The following CNTNAP2 variants were observed in gnomAD, a reference collection of about 807,000 sequenced individuals.
CNTNAP2 encodes contactin associated protein 2.
In CNTNAP2, 98 loss-of-function variants were observed where a neutral mutation model predicts 155.2. The observed-to-expected ratio is 0.63, with a 90% CI of 0.54 to 0.75. The LOEUF (loss-of-function observed/expected upper bound fraction) is 0.75, where lower values mean the gene tolerates loss of function less well. CNTNAP2 is among the 30% of genes least tolerant of loss of function. The pLI is 0.00. For missense variants in CNTNAP2, 1,727 were observed against 1,688.1 expected (o/e 1.02, Z -0.40); for synonymous variants, 651 against 631.2 (o/e 1.03, Z -0.47).
At chr7:146,720,963 C>A (rs144102854) in intron 1 of CNTNAP2, among the ~76,000 whole-genome samples, 1 of 124,254 alleles carries the variant, frequency 8.0e-6, no homozygotes, top group African/African-American at 3.6e-5. Flanking sequence ...TATATATATA[C>A]AGTATATATA....
chr7:147,782,006 G>C (rs1487145343), intron 13 of CNTNAP2, among the ~76,000 whole-genome samples: 1 of 145,424 alleles, frequency 6.9e-6, no homozygotes, highest in Non-Finnish European at 1.5e-5. Flanking sequence ...CTGGGCGACA[G>C]AGCAAGATTC....
At chr7:147,784,531 A>AT in intron 13 of CNTNAP2, among the ~76,000 whole-genome samples, 3 of 72,554 alleles carry the variant, frequency 4.1e-5, no homozygotes, top group Non-Finnish European at 7.3e-5. Context: ...ATATATATAT[A>AT]TATATATATA....
intron 1 of CNTNAP2, among the ~76,000 whole-genome samples, chr7:146,365,147 C>T (rs538010101): frequency 2.6e-5 from 4 of 152,220 alleles, no homozygotes; most frequent in Non-Finnish European, 5.9e-5. Flanking sequence ...CAACTGCCTC[C>T]AATGCACCAC....
At chr7:146,934,891 G>C (rs1796877802) in intron 3 of CNTNAP2, among the ~76,000 whole-genome samples, 1 of 152,140 alleles carries the variant, frequency 6.6e-6, no homozygotes, top group Non-Finnish European at 1.5e-5. Context: ...TGTAAACAGT[G>C]ACCATGACCT....
chr7:147,515,570 C>G (rs2116697408), intron 11 of CNTNAP2, among the ~76,000 whole-genome samples: 1 of 152,126 alleles, frequency 6.6e-6, no homozygotes, highest in South Asian at 2.1e-4. Flanking sequence ...ATCTGCCCAC[C>G]TCGGCCTCCC....
At chr7:146,641,718 G>C (rs61134041) in intron 1 of CNTNAP2, among the ~76,000 whole-genome samples, 6,979 of 152,168 alleles carry the variant, frequency 0.046, 538 homozygotes, top group African/African-American at 0.16. Context: ...CAGGTGTTTC[G>C]GAGGAGAGAG....
intron 1 of CNTNAP2, among the ~76,000 whole-genome samples, chr7:146,200,521 GAC>G (rs1222453977): frequency 1.8e-4 from 13 of 72,364 alleles, no homozygotes; most frequent in East Asian, 5.8e-4. Context: ...CACACACACA[GAC>G]ACACACACAC....
At chr7:146,851,910 T>C (rs1794886592) in intron 3 of CNTNAP2, among the ~76,000 whole-genome samples, 2 of 151,996 alleles carry the variant, frequency 1.3e-5, no homozygotes, top group Admixed American at 1.3e-4. Flanking sequence ...GGTCTTGAAC[T>C]CCTGAGCTCA....
chr7:146,962,567 T>C (rs1563022430), intron 3 of CNTNAP2, among the ~76,000 whole-genome samples: 1 of 152,190 alleles, frequency 6.6e-6, no homozygotes, highest in Non-Finnish European at 1.5e-5. Context: ...TGTTTGTTTT[T>C]TGAGACAGAG....
chr7:147,956,300 CA>C (rs11302995), intron 14 of CNTNAP2, among the ~76,000 whole-genome samples: 113,806 of 139,280 alleles, frequency 0.82, 45,979 homozygotes, highest in South Asian at 0.91. Flanking sequence ...TGGCAGGGGG[CA>C]AAAAAAAAAA....
intron 21 of CNTNAP2, among the ~76,000 whole-genome samples, chr7:148,348,289 CT>C (rs1798361858): frequency 6.6e-6 from 1 of 152,324 alleles, no homozygotes; most frequent in East Asian, 1.9e-4. Flanking sequence ...AAAGCCTTAT[CT>C]TTGTGTTGGA....
chr7:146,190,449 A>G (rs985138511), intron 1 of CNTNAP2, among the ~76,000 whole-genome samples: 3 of 152,200 alleles, frequency 2.0e-5, no homozygotes, highest in African/African-American at 7.2e-5. Flanking sequence ...TAGCAATAGC[A>G]TGGCTCTACC....
At chr7:146,810,497 C>T (rs1803045953) in intron 2 of CNTNAP2, among the ~76,000 whole-genome samples, 2 of 151,730 alleles carry the variant, frequency 1.3e-5, no homozygotes, top group Admixed American at 6.6e-5. Flanking sequence ...ATGTAGATTT[C>T]GTATCTGCAA....
At chr7:148,132,290 T>C (rs1200228112) in intron 16 of CNTNAP2, among the ~76,000 whole-genome samples, 2 of 152,114 alleles carry the variant, frequency 1.3e-5, no homozygotes, top group Non-Finnish European at 2.9e-5. Context: ...TTACATGAAA[T>C]CTTATACGGG....
chr7:146,763,381 A>C (rs1802138874), intron 1 of CNTNAP2, among the ~76,000 whole-genome samples: 1 of 152,134 alleles, frequency 6.6e-6, no homozygotes, highest in Non-Finnish European at 1.5e-5. Flanking sequence ...ATGCTTATCC[A>C]TTCACCCATA....
At chr7:146,166,298 G>T (rs1245483252) in intron 1 of CNTNAP2, among the ~76,000 whole-genome samples, 1 of 152,078 alleles carries the variant, frequency 6.6e-6, no homozygotes, top group Non-Finnish European at 1.5e-5. Flanking sequence ...TCACCATTTT[G>T]GTCAGGCTGG....
chr7:146,566,438 C>T (rs1343131224), intron 1 of CNTNAP2, among the ~76,000 whole-genome samples: 2 of 152,006 alleles, frequency 1.3e-5, no homozygotes, highest in African/African-American at 4.8e-5. Context: ...TTGGAAGATT[C>T]CACTAAAAAA....
intron 15 of CNTNAP2, among the ~76,000 whole-genome samples, chr7:148,021,779 C>T (rs549315894): frequency 2.6e-5 from 4 of 152,302 alleles, no homozygotes; most frequent in African/African-American, 7.2e-5. Context: ...CAAACTTAGA[C>T]CTGGGAGATC....
chr7:147,853,461 CTATT>C (rs1331206740), intron 13 of CNTNAP2, among the ~76,000 whole-genome samples: 1 of 151,722 alleles, frequency 6.6e-6, no homozygotes, highest in Non-Finnish European at 1.5e-5. Context: ...TTTAAAAATC[CTATT>C]TATTTATCTC....
Sources: gnomAD v4.1 joint callset for allele counts (sites outside exome capture counted in the v4.1 genomes callset) on GRCh38, gnomAD v4.1.1 for gene constraint, MANE v1.5 for transcripts, NCBI Gene and HGNC (gene_info 2026-07-23, HGNC 2026-07-21) for gene names.